ATP11A: variants seen among roughly 807,000 people sequenced by gnomAD.
The protein encoded by ATP11A is phospholipid-transporting ATPase IH.
In ATP11A, 81 loss-of-function variants were observed where a neutral mutation model predicts 154.4. That is an observed-to-expected ratio of 0.52 (90% CI 0.44 to 0.63). The LOEUF (loss-of-function observed/expected upper bound fraction) is 0.63, where lower values mean the gene tolerates loss of function less well. ATP11A is among the 30% of genes least tolerant of loss of function. The pLI is 0.00. For missense variants in ATP11A, 1,316 were observed against 1,474.3 expected (o/e 0.89, Z 1.76); for synonymous variants, 623 against 585.9 (o/e 1.06, Z -0.91).
intron 25 of ATP11A, among the ~76,000 whole-genome samples, chr13:112,868,166 C>T (rs1039691685): frequency 6.6e-6 from 1 of 152,204 alleles, no homozygotes; most frequent in African/African-American, 2.4e-5. Flanking sequence ...CGGTTAAAAG[C>T]TCGGAACGTG....
intron 1 of ATP11A, among the ~76,000 whole-genome samples, chr13:112,759,855 C>T (rs547436146): frequency 3.9e-5 from 6 of 152,204 alleles, no homozygotes; most frequent in African/African-American, 1.4e-4. Flanking sequence ...TTTTTGTAAA[C>T]GCCCTTGGGT....
chr13:112,829,827 A>G (rs1297059362), intron 12 of ATP11A, among the ~76,000 whole-genome samples: 2 of 152,288 alleles, frequency 1.3e-5, no homozygotes, highest in African/African-American at 2.4e-5. Context: ...GAACTAATCA[A>G]CAAATTCACT....
intron 2 of ATP11A, among the ~76,000 whole-genome samples, chr13:112,799,924 CA>C (rs2078089986): frequency 6.6e-6 from 1 of 151,964 alleles, no homozygotes; most frequent in Non-Finnish European, 1.5e-5. Context: ...GGAGATTAAA[CA>C]AAACACTACT....
Position 112,813,016 on chromosome 13 carries a change from C to A in ATP11A, c.441+2290C>A, listed in dbSNP as rs183986640. Among the ~76,000 whole-genome samples, 270 of 152,292 alleles carry A rather than the reference C, an allele frequency of 1.8e-3. 3 individuals are homozygous for A. The highest frequency in any genetic ancestry group is 6.1e-3 in the African/African-American group (255 of 41,560). ...ACAGAAAATTGAATTTTTAATGTATCGGTCTTCTGTGGGAAATGCCAGCTC... is the reference window on the plus strand; with the variant it reads ...ACAGAAAATTGAATTTTTAATGTATAGGTCTTCTGTGGGAAATGCCAGCTC... On this transcript the variant is annotated intron_variant, in intron 5 of 29. Coordinates refer to ENST00000375645, the MANE Select transcript of ATP11A (RefSeq NM_015205.3).
At chr13:112,858,978 G>A in intron 22 of ATP11A, 1 of 264,776 alleles carries the variant, frequency 3.8e-6, no homozygotes, top group African/African-American at 2.2e-5. Context: ...CCCTGAGGAT[G>A]AGGAGGGCCT....
At position 112,855,022 on chromosome 13, in the gene ATP11A, T is replaced by G. The variant is rs115888160; in HGVS notation, c.2243+492T>G. ...TTTATCGATGCTGTCCTTACTGGTG[T>G]TAGATGCATTATCTGAGATTACATG... On this transcript the variant is annotated intron_variant, in intron 19 of 29. Coordinates refer to ENST00000375645, the MANE Select transcript of ATP11A (RefSeq NM_015205.3). 5.9e-3 allele frequency among the ~76,000 whole-genome samples: 906 copies of G among 152,352 alleles called. 8 individuals are homozygous for G. The highest frequency in any genetic ancestry group is 0.021 in the African/African-American group (868 of 41,584).
chr13:112,735,281 T>C (rs1431058219), intron 1 of ATP11A, among the ~76,000 whole-genome samples: 1 of 152,194 alleles, frequency 6.6e-6, no homozygotes, highest in Non-Finnish European at 1.5e-5. Flanking sequence ...TTGAGTTTTT[T>C]TCCGTTAAAT....
chr13:112,811,161 A>ACACACAC (rs2078484592), intron 5 of ATP11A, among the ~76,000 whole-genome samples: 2 of 115,576 alleles, frequency 1.7e-5, no homozygotes, highest in Non-Finnish European at 3.5e-5. Context: ...TGCCCCTTCC[A>ACACACAC]ACACACACAC....
At chr13:112,765,151 T>TCCCC (rs5806961) in intron 1 of ATP11A, among the ~76,000 whole-genome samples, 9 of 123,772 alleles carry the variant, frequency 7.3e-5, no homozygotes, top group South Asian at 5.5e-4. Flanking sequence ...TTGCCCCCCC[T>TCCCC]CCCCCCCGCC....
rs146120398 is a variant in ATP11A at position 112,713,033 on chromosome 13, C to T, written c.39+22578C>T. Among the ~76,000 whole-genome samples, 25 of 152,346 alleles carry T rather than the reference C, an allele frequency of 1.6e-4. No individual in the cohort carries two copies. In the East Asian group the frequency reaches 4.8e-3, roughly 29 times the overall value. ...CAGAGGCTTGGAAATTTAGAGCACG[C>T]TCGACTGTATTTCAGTAGACTTATG... On this transcript the variant is annotated intron_variant, in intron 1 of 29. Transcript: ENST00000375645.
intron 1 of ATP11A, among the ~76,000 whole-genome samples, chr13:112,726,343 C>T (rs1408037700): frequency 6.7e-6 from 1 of 148,946 alleles, no homozygotes; most frequent in Non-Finnish European, 1.5e-5. Context: ...CTGGGGGGCA[C>T]TGCATGCGTG....
chr13:112,837,467 T>A (rs975111130), intron 16 of ATP11A, among the ~76,000 whole-genome samples: 1 of 152,242 alleles, frequency 6.6e-6, no homozygotes, highest in African/African-American at 2.4e-5. Context: ...GCAGAACCGA[T>A]GCTCTTCTCA....
chr13:112,712,713 C>G (rs1172590601), intron 1 of ATP11A, among the ~76,000 whole-genome samples: 3 of 152,172 alleles, frequency 2.0e-5, no homozygotes, highest in Non-Finnish European at 4.4e-5. Context: ...ATGGCCGGAC[C>G]ACAGTCGGTG....
intron 20 of ATP11A, 121 bp downstream of exon 20, chr13:112,856,206 A>G (rs986047993): frequency 6.0e-6 from 6 of 995,922 alleles, no homozygotes; most frequent in Non-Finnish European, 7.2e-6. Flanking sequence ...TGTTAAAAAT[A>G]GAAGCAACCG....
chr13:112,781,276 G>C (rs2077491973), intron 1 of ATP11A, among the ~76,000 whole-genome samples: 1 of 151,932 alleles, frequency 6.6e-6, no homozygotes, highest in African/African-American at 2.4e-5. Flanking sequence ...CTGGCCTCAA[G>C]CGCTCCGCCT....
At chr13:112,876,061 G>GT in intron 28 of ATP11A, 120 bp downstream of exon 28, 1 of 1,188,636 alleles carries the variant, frequency 8.4e-7, no homozygotes, top group Non-Finnish European at 1.2e-6. Flanking sequence ...ATCAGTTCAG[G>GT]TATCACTAAT....
chr13:112,870,027 G>A (rs1176867258), intron 25 of ATP11A, among the ~76,000 whole-genome samples: 5 of 151,966 alleles, frequency 3.3e-5, no homozygotes, highest in East Asian at 1.9e-4. Context: ...TCTCCACCAC[G>A]GCCAGGTGTC....
At chr13:112,725,154 A>T (rs947902524) in intron 1 of ATP11A, among the ~76,000 whole-genome samples, 5 of 152,114 alleles carry the variant, frequency 3.3e-5, no homozygotes, top group African/African-American at 1.2e-4. Flanking sequence ...GTCACAAGAG[A>T]CACTGCAAAC....
At chr13:112,863,701 C>T (rs1247102028) in intron 25 of ATP11A, among the ~76,000 whole-genome samples, 61 of 79,636 alleles carry the variant, frequency 7.7e-4, no homozygotes, top group African/African-American at 2.1e-3. Context: ...TGCAGGCCTG[C>T]GCAGCTTCCC....
Sources: gnomAD v4.1 joint callset for allele counts (sites outside exome capture counted in the v4.1 genomes callset) on GRCh38, gnomAD v4.1.1 for gene constraint, MANE v1.5 for transcripts, NCBI Gene and HGNC (gene_info 2026-07-23, HGNC 2026-07-21) for gene names.